The following AGMO variants were observed in gnomAD, a reference collection of about 807,000 sequenced individuals.
AGMO encodes glyceryl-ether monooxygenase.
In AGMO, 75 loss-of-function variants were observed where a neutral mutation model predicts 60.2. That is an observed-to-expected ratio of 1.25 (90% CI 1.03 to 1.51). AGMO has a LOEUF of 1.51. AGMO is among the 40% of genes most tolerant of loss of function. AGMO has a pLI of 0.00. For synonymous variants in AGMO, 261 were observed against 177.1 expected (o/e 1.47, Z -3.76); for missense variants, 763 against 525.5 (o/e 1.45, Z -4.42).
the AGMO span, among the ~76,000 whole-genome samples, chr7:15,125,579 T>A: frequency 6.6e-6 from 1 of 152,104 alleles, no homozygotes; most frequent in South Asian, 2.1e-4. Context: ...TAAACACTCT[T>A]GCAATAGTGT....
At chr7:15,142,904 CAACCACGT>C in the AGMO span, among the ~76,000 whole-genome samples, 1 of 152,180 alleles carries the variant, frequency 6.6e-6, no homozygotes, top group African/African-American at 2.4e-5. Flanking sequence ...TTAATCCTCA[CAACCACGT>C]TATGGAATCT....
At chr7:15,202,029 C>T (rs917805825) in intron 12 of AGMO, among the ~76,000 whole-genome samples, 1 of 152,088 alleles carries the variant, frequency 6.6e-6, no homozygotes, top group Non-Finnish European at 1.5e-5. Flanking sequence ...ATGCTCTTAC[C>T]TAGGCACCGA....
chr7:15,340,536 T>A (rs1781810504), intron 12 of AGMO, among the ~76,000 whole-genome samples: 2 of 152,250 alleles, frequency 1.3e-5, no homozygotes, highest in South Asian at 4.1e-4. Context: ...GTGTGCAGCC[T>A]CAGCACTTGG....
chr7:15,313,531 G>C (rs567129863), intron 12 of AGMO, among the ~76,000 whole-genome samples: 17 of 152,160 alleles, frequency 1.1e-4, no homozygotes, highest in Non-Finnish European at 2.2e-4. Context: ...ATATTTTGCA[G>C]AGTCAAAGGA....
chr7:15,266,176 T>C (rs926980456), intron 12 of AGMO, among the ~76,000 whole-genome samples: 1 of 152,002 alleles, frequency 6.6e-6, no homozygotes, highest in African/African-American at 2.4e-5. Context: ...TTTTGTTTAA[T>C]AGGTATTGTT....
intron 3 of AGMO, among the ~76,000 whole-genome samples, chr7:15,434,091 C>T (rs528540163): frequency 6.6e-6 from 1 of 151,986 alleles, no homozygotes; most frequent in Admixed American, 6.6e-5. Context: ...CCAAAGAGTT[C>T]CCCCACCTCC....
the AGMO span, among the ~76,000 whole-genome samples, chr7:15,176,410 T>C: frequency 6.6e-6 from 1 of 151,912 alleles, no homozygotes; most frequent in Non-Finnish European, 1.5e-5. Context: ...TTTAAAGAAA[T>C]GTTTCTTCTT....
chr7:15,208,966 T>G (rs1781508436), intron 12 of AGMO, among the ~76,000 whole-genome samples: 1 of 152,216 alleles, frequency 6.6e-6, no homozygotes, highest in African/African-American at 2.4e-5. Context: ...TCTAATACCT[T>G]TTATTACTGA....
rs768088385 is a variant in AGMO, at chr7:15,385,421, A to G, written c.1074+25T>C. The G allele has an allele frequency of 5.1e-6, 7 of 1,372,324 alleles. No individual in the cohort carries two copies. In the East Asian group the frequency reaches 1.2e-4, roughly 23 times the overall value. The allele number at this position is 1,372,324 out of a possible 1,614,324, so 85.0% of individuals were successfully genotyped here. A position where few individuals can be genotyped will look rare whatever the true frequency, so the allele number is the denominator to read the frequency against. On this transcript the variant is annotated intron_variant, in intron 10 of 12. Coordinates refer to ENST00000342526, the MANE Select transcript of AGMO (RefSeq NM_001004320.2). ...ACAAAGTAACAGATAATGTTCTCAC[A>G]CTACTTAAAATGGATATTACTTACA...
At chr7:15,548,695 G>T (rs1418124193) in intron 2 of AGMO, among the ~76,000 whole-genome samples, 3 of 152,196 alleles carry the variant, frequency 2.0e-5, no homozygotes, top group Non-Finnish European at 4.4e-5. Context: ...TCTGATTGGT[G>T]TGCCTGAAGG....
chr7:15,561,850 G>A lies in AGMO; in HGVS notation c.-5C>T, dbSNP rs1263480502. On this transcript the variant is annotated 5_prime_UTR_variant, in exon 1 of 13. Transcript: ENST00000342526. ...CTGGGCTTCTGGGTTCTTCATTTCTGCCCTTGTCTGATTCCCAGCTGGAGA... is the reference window on the plus strand; with the variant it reads ...CTGGGCTTCTGGGTTCTTCATTTCTACCCTTGTCTGATTCCCAGCTGGAGA... 1.3e-6 allele frequency: 2 copies of A among 1,590,452 alleles called. No individual in the cohort carries two copies. Among genetic ancestry groups the A allele is most frequent in the African/African-American group, 2.7e-5 (2 of 73,726 alleles).
chr7:15,250,771 C>A (rs1782906472), intron 12 of AGMO, among the ~76,000 whole-genome samples: 1 of 151,922 alleles, frequency 6.6e-6, no homozygotes, highest in South Asian at 2.1e-4. Context: ...AGGTGAAACC[C>A]CATCTCTACT....
intron 3 of AGMO, among the ~76,000 whole-genome samples, chr7:15,432,326 A>G (rs866094232): frequency 1.1e-4 from 15 of 136,470 alleles, no homozygotes; most frequent in African/African-American, 3.2e-4. Flanking sequence ...GTGTGTATAT[A>G]TGTATATATA....
intron 12 of AGMO, among the ~76,000 whole-genome samples, chr7:15,275,018 G>C (rs1262762410): frequency 6.6e-6 from 1 of 150,940 alleles, no homozygotes; most frequent in Admixed American, 6.6e-5. Flanking sequence ...TTGATCTTTT[G>C]TACCATTTTT....
At chr7:15,185,254 T>C in the AGMO span, among the ~76,000 whole-genome samples, 1 of 152,080 alleles carries the variant, frequency 6.6e-6, no homozygotes, top group Non-Finnish European at 1.5e-5. Flanking sequence ...CATACTGTCT[T>C]TCAGAAAATA....
intron 12 of AGMO, among the ~76,000 whole-genome samples, chr7:15,212,609 T>C (rs1334172640): frequency 1.3e-5 from 2 of 151,988 alleles, no homozygotes; most frequent in African/African-American, 4.8e-5. Flanking sequence ...TGACTTAGCT[T>C]ACTTGTAAAA....
chr7:15,444,911 T>C (rs1025107773), intron 3 of AGMO, among the ~76,000 whole-genome samples: 2 of 152,192 alleles, frequency 1.3e-5, no homozygotes, highest in African/African-American at 4.8e-5. Context: ...TCTTGCTTAA[T>C]GGCATTATCA....
intron 12 of AGMO, among the ~76,000 whole-genome samples, chr7:15,324,999 A>T (rs1781292878): frequency 6.6e-6 from 1 of 151,988 alleles, no homozygotes; most frequent in African/African-American, 2.4e-5. Context: ...ATTAAAAATT[A>T]AAAAAAAATT....
rs1411288178 is a variant in AGMO, at chr7:15,486,202, T to C, written c.410-55094A>G. Among the ~76,000 whole-genome samples the C allele has an allele frequency of 2.0e-5, 3 of 152,282 alleles. No homozygotes were observed. In the East Asian group the frequency reaches 5.8e-4, roughly 30 times the overall value. Reference sequence around the variant, plus strand: ...CATGGGCTATAACATTAGTGTTCAGTATCTAGCTCTATCAGCAAGCTCAGT... The same window carrying C: ...CATGGGCTATAACATTAGTGTTCAGCATCTAGCTCTATCAGCAAGCTCAGT... On this transcript the variant is annotated intron_variant, in intron 3 of 12. Transcript: ENST00000342526.
Sources: allele counts gnomAD v4.1 joint callset (sites outside exome capture counted in the v4.1 genomes callset), GRCh38; gene constraint gnomAD v4.1.1; transcripts MANE v1.5; gene names NCBI Gene and HGNC (gene_info 2026-07-23, HGNC 2026-07-21).